The following HPCAL1 variants were observed in gnomAD, a reference collection of about 807,000 sequenced individuals.
HPCAL1 encodes the protein hippocalcin-like protein 1.
A neutral mutation model predicts 17.1 loss-of-function variants in HPCAL1; 8 were observed. The observed-to-expected ratio is 0.47, with a 90% confidence interval of 0.27 to 0.84. The LOEUF is 0.84. Ranked by LOEUF, HPCAL1 falls within the 40% of genes least tolerant of loss-of-function variation. HPCAL1 has a pLI of 0.13. For missense variants in HPCAL1, 165 were observed against 271.1 expected, an observed-to-expected ratio of 0.61 and a Z score of 2.75; for synonymous variants, 112 against 111.4, an observed-to-expected ratio of 1.01 and a Z score of -0.03.
At chr2:10,385,130 G>A (rs1668225662) in intron 1 of HPCAL1, among the ~76,000 whole-genome samples, 1 of 150,924 alleles carries the variant, frequency 6.6e-6, no homozygotes, top group African/African-American at 2.4e-5. Flanking sequence ...GTGACAGGAA[G>A]ACCCCACCAT....
At chr2:10,352,761 C>A (rs867647788) in intron 1 of HPCAL1, among the ~76,000 whole-genome samples, 2 of 152,186 alleles carry the variant, frequency 1.3e-5, no homozygotes, top group South Asian at 2.1e-4. Context: ...CAGGAGGGAC[C>A]TTTGGAGTCT....
In HPCAL1 at chr2:10,365,958, C is replaced by T. The variant is rs891339328; in HGVS notation, c.-110-30877C>T. ...CAGGGATGCACGCCTCATGAGGAGA[C>T]GCTCACTCCCCCAGACACACTGAGT... is the stretch of plus-strand genomic sequence containing the variant. On this transcript the variant is annotated intron_variant, in intron 1 of 4. Coordinates refer to ENST00000307845, the MANE Select transcript of HPCAL1 (RefSeq NM_002149.4). This position sits in a 1 kb window ranked among gnomAD's most constrained non-coding sequence, Gnocchi z 4.8. Among the ~76,000 whole-genome samples, 3 of 152,186 alleles carry T rather than the reference C, an allele frequency of 2.0e-5. No homozygotes were observed. Among genetic ancestry groups the T allele is most frequent in the South Asian group, 2.1e-4 (1 of 4,830 alleles).
chr2:10,382,291 G>C (rs943054037), intron 1 of HPCAL1, among the ~76,000 whole-genome samples: 3 of 152,148 alleles, frequency 2.0e-5, no homozygotes, highest in African/African-American at 7.2e-5. Context: ...GGGAGGGAGG[G>C]ATGAGCAGGC....
At chr2:10,370,162 T>TGCATTTCTCCTTCCC (rs1195405654) in intron 1 of HPCAL1, among the ~76,000 whole-genome samples, 1 of 152,258 alleles carries the variant, frequency 6.6e-6, no homozygotes, top group Non-Finnish European at 1.5e-5. Flanking sequence ...CTCTCCTTCC[T>TGCATTTCTCCTTCCC]GCATTTCTCC....
intron 1 of HPCAL1, among the ~76,000 whole-genome samples, chr2:10,369,749 T>C (rs1015131332): frequency 1.3e-5 from 2 of 152,180 alleles, no homozygotes; most frequent in African/African-American, 4.8e-5. Flanking sequence ...ACCAGGTCCT[T>C]ATTAATCAAA....
At chr2:10,404,854 C>T (rs934378128) in intron 2 of HPCAL1, among the ~76,000 whole-genome samples, 4 of 152,150 alleles carry the variant, frequency 2.6e-5, no homozygotes, top group African/African-American at 4.8e-5. Flanking sequence ...GTTTTAATGC[C>T]GCTGCTTGGG....
Position 10,331,580 on chromosome 2 carries a change from G to A in HPCAL1, c.-111+28403G>A, listed in dbSNP as rs1431122781. On this transcript the variant is annotated intron_variant, in intron 1 of 4. Transcript: ENST00000307845. This position sits in a 1 kb window ranked among gnomAD's most constrained non-coding sequence, Gnocchi z 5.0. ...AAGCGCTGGCTGGTGGTGGAGCTGC[G>A]CTGAAGTCAGTGTGTGCTTTGGGCC... Among the ~76,000 whole-genome samples, 4 of 152,316 alleles carry A rather than the reference G, an allele frequency of 2.6e-5. No individual in the cohort carries two copies. Among genetic ancestry groups the A allele is most frequent in the South Asian group, 2.1e-4 (1 of 4,826 alleles).
intron 1 of HPCAL1, among the ~76,000 whole-genome samples, chr2:10,332,198 G>A (rs1664428752): frequency 1.3e-5 from 2 of 152,176 alleles, no homozygotes; most frequent in Admixed American, 6.5e-5. Context: ...CCTGGCTGAG[G>A]TCATGCCCAG....
intron 1 of HPCAL1, among the ~76,000 whole-genome samples, chr2:10,380,928 TG>T (rs1667901729): frequency 6.6e-6 from 1 of 152,242 alleles, no homozygotes; most frequent in Non-Finnish European, 1.5e-5. Context: ...CAATTAAGAA[TG>T]TTTTGAATAA....
At position 10,384,012 on chromosome 2, in the gene HPCAL1, C is replaced by T. The variant is rs535317197; in HGVS notation, c.-110-12823C>T. Among the ~76,000 whole-genome samples the T allele has an allele frequency of 2.5e-4, 22 of 87,228 alleles. No individual in the cohort carries two copies. In the East Asian group the frequency reaches 3.0e-3, roughly 12 times the overall value. The allele number at this position is 87,228 out of a possible 152,430, so 57.2% of individuals were successfully genotyped here. On this transcript the variant is annotated intron_variant, in intron 1 of 4. Transcript: ENST00000307845. This position sits in a 1 kb window ranked among gnomAD's most constrained non-coding sequence, Gnocchi z 4.4. ...CATATAATTACACATGCATATACAT[C>T]GCGTACACACACACACCCACACACA...
At chr2:10,346,286 C>T (rs532499421) in intron 1 of HPCAL1, among the ~76,000 whole-genome samples, 1 of 152,056 alleles carries the variant, frequency 6.6e-6, no homozygotes, top group Non-Finnish European at 1.5e-5. Flanking sequence ...GGTATTCTGT[C>T]TCGAGGCTCT....
intron 1 of HPCAL1, among the ~76,000 whole-genome samples, chr2:10,346,339 G>A (rs1211170140): frequency 2.0e-5 from 3 of 152,344 alleles, no homozygotes; most frequent in Non-Finnish European, 4.4e-5. Flanking sequence ...ATTGGGAGGG[G>A]ATGGAATGGG....
chr2:10,343,001 GC>G lies in HPCAL1; in HGVS notation c.-111+39827del, dbSNP rs1376520839. Among the ~76,000 whole-genome samples, 1 of 152,136 alleles carries G rather than the reference GC, an allele frequency of 6.6e-6. No homozygotes were observed. Among genetic ancestry groups the G allele is most frequent in the Non-Finnish European group, 1.5e-5 (1 of 68,026 alleles). On this transcript the variant is annotated intron_variant, in intron 1 of 4. Transcript: ENST00000307845. The surrounding 1 kb of genome is among the most constrained non-coding windows in gnomAD (Gnocchi z 4.8). ...TCTGTCTTCTGTGTGGGATATCAGT[GC>G]CCTGCCAGCTGTTGCAAGTTTTAAA...
intron 2 of HPCAL1, among the ~76,000 whole-genome samples, chr2:10,409,510 T>G (rs1258101862): frequency 1.3e-5 from 2 of 152,010 alleles, no homozygotes; most frequent in African/African-American, 4.8e-5. Flanking sequence ...CAGGCCCGAG[T>G]TGTTTTGAAA....
chr2:10,363,467 C>T lies in HPCAL1; in HGVS notation c.-110-33368C>T, dbSNP rs1044176226. Among the ~76,000 whole-genome samples, 7 of 152,144 alleles carry T rather than the reference C, an allele frequency of 4.6e-5. No individual in the cohort carries two copies. The highest frequency in any genetic ancestry group is 1.2e-4 in the African/African-American group (5 of 41,430). On this transcript the variant is annotated intron_variant, in intron 1 of 4. Transcript: ENST00000307845. This position sits in a 1 kb window ranked among gnomAD's most constrained non-coding sequence, Gnocchi z 4.7. ...GGCTGTTTGTAGGAGCTTCCAGAAG[C>T]GACCTTTCGGGATGCCTCTTACATA...
intron 1 of HPCAL1, among the ~76,000 whole-genome samples, chr2:10,321,828 C>A (rs1421390908): frequency 2.6e-5 from 4 of 152,160 alleles, no homozygotes; most frequent in Non-Finnish European, 5.9e-5. Flanking sequence ...GAATAATATT[C>A]CAATGTATGG....
At chr2:10,417,480 G>A (rs575660140) in intron 2 of HPCAL1, among the ~76,000 whole-genome samples, 67 of 152,260 alleles carry the variant, frequency 4.4e-4, no homozygotes, top group Non-Finnish European at 8.4e-4. Flanking sequence ...ACACAAGCAC[G>A]TATGTTTGTC....
intron 4 of HPCAL1, 175 bp from the exon 5 acceptor site, chr2:10,426,549 A>AT (rs984567719): frequency 5.4e-5 from 34 of 626,702 alleles, no homozygotes; most frequent in Admixed American, 1.4e-4. Context: ...AGGAAAAAGG[A>AT]TTTTTTTTCA....
chr2:10,318,920 C>G (rs985277105), intron 1 of HPCAL1, among the ~76,000 whole-genome samples: 3 of 152,208 alleles, frequency 2.0e-5, no homozygotes, highest in African/African-American at 7.2e-5. Context: ...CTTGGGTCTG[C>G]CGGGACCACT....
Sources: allele counts gnomAD v4.1 joint callset (sites outside exome capture counted in the v4.1 genomes callset), GRCh38; gene constraint gnomAD v4.1.1; non-coding constraint Gnocchi (gnomAD v3.1); transcripts MANE v1.5; gene names NCBI Gene and HGNC (gene_info 2026-07-23, HGNC 2026-07-21).